ZNF280D: variants seen among roughly 807,000 people sequenced by gnomAD.
The protein encoded by ZNF280D is zinc finger protein 280D, also known as suppressor of hairy wing homolog 4.
In ZNF280D, 39 loss-of-function variants were observed where a neutral mutation model predicts 94.7. The ratio of observed to expected loss-of-function variants is 0.41; its 90% confidence interval spans 0.32 to 0.54. The LOEUF is 0.54. Among genes scored for constraint, ZNF280D ranks in the 20% least tolerant of loss-of-function variants. ZNF280D has a pLI of 0.22. For missense variants in ZNF280D, 1,090 were observed against 1,149.3 expected, an observed-to-expected ratio of 0.95 and a Z score of 0.75; for synonymous variants, 398 against 377.6, an observed-to-expected ratio of 1.05 and a Z score of -0.63.
intron 1 of ZNF280D, among the ~76,000 whole-genome samples, chr15:56,716,247 C>A (rs1375240043): frequency 6.6e-6 from 1 of 151,980 alleles, no homozygotes; most frequent in East Asian, 1.9e-4. Context: ...GACAAACACC[C>A]ATACAAAGAG....
chr15:56,718,909 C>T (rs2058190645), intron 1 of ZNF280D, among the ~76,000 whole-genome samples: 1 of 152,194 alleles, frequency 6.6e-6, no homozygotes, highest in Non-Finnish European at 1.5e-5. Flanking sequence ...AACACCATTT[C>T]TTGAAATATC....
chr15:56,726,801 CTA>C (rs1190908322), intron 1 of ZNF280D, among the ~76,000 whole-genome samples: 1 of 152,152 alleles, frequency 6.6e-6, no homozygotes. Flanking sequence ...TTTTTGTAGT[CTA>C]TGTCAGAGAG....
chr15:56,689,237 C>A, intron 8 of ZNF280D, 63 bp downstream of exon 8: 1 of 1,545,360 alleles, frequency 6.5e-7, no homozygotes, highest in Non-Finnish European at 8.7e-7. Context: ...AAATTTATAG[C>A]CACTTCAAAA....
chr15:56,669,893 T>TA lies in ZNF280D; in HGVS notation c.1411-937dup, dbSNP rs1566959811. On this transcript the variant is annotated intron_variant, in intron 13 of 21. Coordinates refer to ENST00000267807, the MANE Select transcript of ZNF280D (RefSeq NM_017661.4). ...ATATTTTATATATATATATATTATA[T>TA]ATATATATAATATATATATATTATA... 3.5e-3 allele frequency among the ~76,000 whole-genome samples: 34 copies of TA among 9,780 alleles called. 6 individuals are homozygous for TA. Among genetic ancestry groups the TA allele is most frequent in the Non-Finnish European group, 4.7e-3 (28 of 5,918 alleles). 6.4% of individuals were successfully genotyped at this position (9,780 alleles called of 152,430 possible).
intron 1 of ZNF280D, 78 bp downstream of exon 1, chr15:56,733,380 G>A (rs1209405427): frequency 2.3e-6 from 2 of 857,362 alleles, no homozygotes; most frequent in Non-Finnish European, 2.8e-6. Flanking sequence ...AGCGCCCCCG[G>A]AGTGAGGCGG....
In ZNF280D at chr15:56,682,497, A is replaced by C. The variant is rs534805179; in HGVS notation, c.781-20T>G. The stretch of plus-strand genomic sequence containing the variant: ...ACAATACTGAAAGAGAAAAAAAAAA[A>C]AAAAAAACAAGCCTTACTTATTCTT... On this transcript the variant is annotated intron_variant, in intron 9 of 21. Transcript: ENST00000267807. The C allele has an allele frequency of 8.3e-5, 120 of 1,450,574 alleles. No individual in the cohort carries two copies. Among genetic ancestry groups the C allele is most frequent in the East Asian group, 2.4e-4 (10 of 41,602 alleles). The allele number at this position is 1,450,574 out of a possible 1,614,324, so 89.9% of individuals were successfully genotyped here. A position where few individuals can be genotyped will look rare whatever the true frequency, so the allele number is the denominator to read the frequency against.
At chr15:56,648,370 C>T (rs1463945006) in intron 19 of ZNF280D, among the ~76,000 whole-genome samples, 2 of 152,010 alleles carry the variant, frequency 1.3e-5, no homozygotes, top group Non-Finnish European at 2.9e-5. Flanking sequence ...TGCTAGATTA[C>T]TGTCCCAATC....
intron 16 of ZNF280D, among the ~76,000 whole-genome samples, chr15:56,661,812 T>A (rs1412929330): frequency 6.6e-6 from 1 of 152,206 alleles, no homozygotes; most frequent in East Asian, 1.9e-4. Context: ...TAGCTATCAT[T>A]ACTTGAATAT....
At chr15:56,633,490 TTATC>T (rs1423243858) in intron 21 of ZNF280D, among the ~76,000 whole-genome samples, 1 of 152,100 alleles carries the variant, frequency 6.6e-6, no homozygotes, top group African/African-American at 2.4e-5. Context: ...TAATATCTTT[TTATC>T]TTTTTTTTTT....
intron 10 of ZNF280D, among the ~76,000 whole-genome samples, chr15:56,681,958 A>C (rs1426580868): frequency 6.6e-6 from 1 of 152,114 alleles, no homozygotes; most frequent in Non-Finnish European, 1.5e-5. Flanking sequence ...AAAATGTCTA[A>C]TAAAAATTCA....
intron 20 of ZNF280D, chr15:56,635,807 A>C (rs1426288653): frequency 4.6e-5 from 7 of 152,270 alleles, no homozygotes; most frequent in African/African-American, 1.7e-4. Context: ...AACCTCAGTA[A>C]GCCATAGGCC....
chr15:56,714,450 A>T (rs189281365), intron 1 of ZNF280D, among the ~76,000 whole-genome samples: 74 of 152,340 alleles, frequency 4.9e-4, no homozygotes, highest in African/African-American at 1.7e-3. Context: ...AAAATAAACC[A>T]AAAATATCTA....
rs529986519 is a variant in ZNF280D at position 56,707,564 on chromosome 15, G to A, written c.-85-258C>T. On this transcript the variant is annotated intron_variant, in intron 1 of 21. Coordinates refer to ENST00000267807, the MANE Select transcript of ZNF280D (RefSeq NM_017661.4). Reference sequence around the variant, plus strand: ...ATTTTTTAAAGTATTTAGTAAAAACGAGTAAACACCTTACAATGTACTGGT... The same window carrying A: ...ATTTTTTAAAGTATTTAGTAAAAACAAGTAAACACCTTACAATGTACTGGT... Among the ~76,000 whole-genome samples the A allele has an allele frequency of 2.6e-5, 4 of 152,146 alleles. No homozygotes were observed. In the South Asian group the frequency reaches 6.2e-4, roughly 24 times the overall value.
chr15:56,669,873 T>TTATATATATATATATATATATAA (rs71113014), intron 13 of ZNF280D, among the ~76,000 whole-genome samples: 1 of 8,484 alleles, frequency 1.2e-4, no homozygotes, highest in African/African-American at 4.1e-4. Context: ...TATATATATT[T>TTATATATATATATATATATATAA]TATATATATA....
intron 19 of ZNF280D, among the ~76,000 whole-genome samples, chr15:56,650,142 A>G (rs1465140986): frequency 1.3e-5 from 2 of 152,084 alleles, no homozygotes; most frequent in Non-Finnish European, 2.9e-5. Flanking sequence ...GCTATAAACC[A>G]TGTTTTATTC....
At position 56,733,480 on chromosome 15, in the gene ZNF280D, G is replaced by T. The variant is rs1438431455; in HGVS notation, c.-108C>A. ...TACCGTGAGCGGAGCGGATCGGCCT[G>T]ACTGGAGCCCTGAGGAGGAGGAGAA... On this transcript the variant is annotated 5_prime_UTR_variant, in exon 1 of 22. Coordinates refer to ENST00000267807, the MANE Select transcript of ZNF280D (RefSeq NM_017661.4). 3.6e-6 allele frequency: 4 copies of T among 1,124,702 alleles called. No homozygotes were observed. Among genetic ancestry groups the T allele is most frequent in the Non-Finnish European group, 3.3e-6 (3 of 909,824 alleles). The allele number at this position is 1,124,702 out of a possible 1,614,324, so 69.7% of individuals were successfully genotyped here. A position where few individuals can be genotyped will look rare whatever the true frequency, so the allele number is the denominator to read the frequency against.
chr15:56,702,910 A>AACACAC lies in ZNF280D; in HGVS notation c.175+1205_175+1210dup, dbSNP rs59095987. On this transcript the variant is annotated intron_variant, in intron 4 of 21. Coordinates refer to ENST00000267807, the MANE Select transcript of ZNF280D (RefSeq NM_017661.4). ...CTTTTAAGCACTACCATGGTAAGTA[A>AACACAC]ACACACACACACACACACACACACA... 2.6e-3 allele frequency among the ~76,000 whole-genome samples: 350 copies of AACACAC among 135,748 alleles called. 2 individuals are homozygous for AACACAC. Among genetic ancestry groups the AACACAC allele is most frequent in the African/African-American group, 8.0e-3 (295 of 36,892 alleles). The allele number at this position is 135,748 out of a possible 152,430, so 89.1% of individuals were successfully genotyped here. A position where few individuals can be genotyped will look rare whatever the true frequency, so the allele number is the denominator to read the frequency against.
At chr15:56,700,650 A>G in intron 6 of ZNF280D, 2 of 1,368,174 alleles carry the variant, frequency 1.5e-6, no homozygotes, top group Non-Finnish European at 1.9e-6. Flanking sequence ...TGCAATATTT[A>G]TGGCTGACTA....
At chr15:56,716,030 T>C (rs778757192) in intron 1 of ZNF280D, among the ~76,000 whole-genome samples, 16 of 152,188 alleles carry the variant, frequency 1.1e-4, no homozygotes, top group Non-Finnish European at 2.1e-4. Context: ...GTGTATAGGT[T>C]ATATCCAAGT....
Sources: gnomAD v4.1 joint callset for allele counts (sites outside exome capture counted in the v4.1 genomes callset) on GRCh38, gnomAD v4.1.1 for gene constraint, MANE v1.5 for transcripts, NCBI Gene and HGNC (gene_info 2026-07-23, HGNC 2026-07-21) for gene names.